The following AK7 variants were observed in gnomAD, a reference collection of about 807,000 sequenced individuals.
AK7 encodes ATP-AMP transphosphorylase 7.
Under a neutral mutation model 96.6 loss-of-function variants are expected in AK7, and 78 were observed. The ratio of observed to expected loss-of-function variants is 0.81; its 90% confidence interval spans 0.67 to 0.97. The LOEUF is 0.97. Ranked by LOEUF, AK7 falls within the 50% of genes least tolerant of loss-of-function variation. The pLI is 0.00. For missense variants in AK7, 855 were observed against 887.9 expected (o/e 0.96, Z 0.47); for synonymous variants, 302 against 317.2 (o/e 0.95, Z 0.51).
Position 96,472,727 on chromosome 14 carries a change from G to A in AK7, c.1527G>A (p.Met509Ile). Residue 509 changes from methionine (M) to isoleucine (I), a missense_variant, in exon 14 of 18, where the codon ATG becomes ATA. Physicochemically the swap from Met to Ile is conservative, Grantham distance 10. Transcript: ENST00000267584. ...AGGAAGATGATGTCAGAGGCAGAAT[G>A]TTTCCCTTTGATAAATTAATTATAC... ...EEEEDDVRGR[M>I]FPFDKLIIPE... is the part of the protein sequence containing the mutation. 6.2e-7 allele frequency: 1 copy of A among 1,612,742 alleles called. No individual in the cohort carries two copies. Among genetic ancestry groups the A allele is most frequent in the South Asian group, 1.1e-5 (1 of 91,052 alleles).
intron 12 of AK7, among the ~76,000 whole-genome samples, chr14:96,465,559 C>G (rs9672123): frequency 0.87 from 131,968 of 152,230 alleles, 57,556 homozygotes; most frequent in African/African-American, 0.97. Context: ...AACCGTGTTT[C>G]TTTTTGTTTG....
chr14:96,405,069 G>C, intron 3 of AK7: 1 of 303,978 alleles, frequency 3.3e-6, no homozygotes, highest in Non-Finnish European at 6.1e-6. Context: ...AATGAAGGCC[G>C]GCACACTGAC....
At chr14:96,476,287 C>A (rs1895173177) in intron 14 of AK7, among the ~76,000 whole-genome samples, 1 of 152,092 alleles carries the variant, frequency 6.6e-6, no homozygotes, top group Non-Finnish European at 1.5e-5. Flanking sequence ...GGGCAGATCA[C>A]CTGAGGTCAG....
chr14:96,446,386 TGAAAATGGA>T lies in AK7; in HGVS notation c.780-128_780-120del, dbSNP rs1430837336. ...ATAACCATCCCAACCCTGACCGTAT[TGAAAATGGA>T]GATAACTTATCAAAGCACCAAACCC... On this transcript the variant is annotated intron_variant, in intron 7 of 17. Transcript: ENST00000267584. The T allele has an allele frequency of 3.0e-5, 21 of 711,182 alleles. 1 individual carries two copies. In the South Asian group the frequency reaches 3.5e-4, roughly 12 times the overall value. 44.1% of individuals were successfully genotyped at this position (711,182 alleles called of 1,614,324 possible). A position where few individuals can be genotyped will look rare whatever the true frequency, so the allele number is the denominator to read the frequency against.
At chr14:96,400,545 T>C (rs1443588934) in intron 2 of AK7, among the ~76,000 whole-genome samples, 1 of 152,232 alleles carries the variant, frequency 6.6e-6, no homozygotes, top group Non-Finnish European at 1.5e-5. Context: ...CTCCAGCTCC[T>C]CTTCCTGCCC....
rs1229749830 is a variant in AK7 at position 96,398,219 on chromosome 14, A to C, written c.250A>C (p.Lys84Gln). 2 of 1,613,856 alleles carry C rather than the reference A, an allele frequency of 1.2e-6. No homozygotes were observed. Among genetic ancestry groups the C allele is most frequent in the Non-Finnish European group, 1.7e-6 (2 of 1,180,030 alleles). Residue 84 changes from lysine (K) to glutamine (Q), a missense_variant, in exon 2 of 18, where the codon AAG becomes CAG. By Grantham distance (53) the Lys-to-Gln change is moderately conservative (BLOSUM62 1). Coordinates refer to ENST00000267584, the MANE Select transcript of AK7 (RefSeq NM_152327.5). ...GTFQIVGTLS[K>Q]PDSPRPDFAV... is the part of the protein sequence containing the mutation. ...ATTCCAGATTGTGGGCACGCTGTCCAAGCCTGACAGCCCGCGGCCTGACTT... is the reference window on the plus strand; with the variant it reads ...ATTCCAGATTGTGGGCACGCTGTCCCAGCCTGACAGCCCGCGGCCTGACTT...
intron 1 of AK7, 24 bp downstream of exon 1, chr14:96,392,283 G>A (rs1376884893): frequency 1.3e-6 from 2 of 1,586,378 alleles, no homozygotes; most frequent in African/African-American, 2.7e-5. Context: ...GCGGCCCAGA[G>A]CCTCACGCCA....
chr14:96,438,894 G>C (rs561449023), intron 6 of AK7, among the ~76,000 whole-genome samples: 3 of 152,274 alleles, frequency 2.0e-5, no homozygotes, highest in Non-Finnish European at 4.4e-5. Flanking sequence ...TTTGAAGAGA[G>C]AGTCAATGGG....
intron 3 of AK7, among the ~76,000 whole-genome samples, chr14:96,408,094 C>T (rs79866275): frequency 0.016 from 2,457 of 152,314 alleles, 68 homozygotes; most frequent in African/African-American, 0.056. Flanking sequence ...CTTATCAGTG[C>T]TCTCCACTAC....
chr14:96,434,438 C>G (rs112327407), intron 5 of AK7, among the ~76,000 whole-genome samples: 12 of 150,620 alleles, frequency 8.0e-5, no homozygotes, highest in African/African-American at 2.7e-4. Context: ...CTCTCTCTCT[C>G]TCTCTCTCTC....
chr14:96,472,153 G>A (rs528026109), intron 13 of AK7, among the ~76,000 whole-genome samples: 1 of 152,010 alleles, frequency 6.6e-6, no homozygotes, highest in South Asian at 2.1e-4. Context: ...CCTTGTTGTT[G>A]CATATAGCAG....
intron 12 of AK7, among the ~76,000 whole-genome samples, chr14:96,466,172 C>T (rs1341187177): frequency 6.6e-6 from 1 of 151,026 alleles, no homozygotes; most frequent in Non-Finnish European, 1.5e-5. Context: ...CTCAAACAAT[C>T]CTCCCACCTC....
At chr14:96,460,102 T>TAGCC (rs1368390631) in intron 12 of AK7, among the ~76,000 whole-genome samples, 2 of 152,206 alleles carry the variant, frequency 1.3e-5, no homozygotes, top group Non-Finnish European at 2.9e-5. Flanking sequence ...AGATAGTGAG[T>TAGCC]AGCCCCTTTG....
chr14:96,404,764 C>A lies in AK7; in HGVS notation c.302C>A (p.Ser101Tyr). The A allele has an allele frequency of 1.2e-6, 2 of 1,600,378 alleles. No individual in the cohort carries two copies. The highest frequency in any genetic ancestry group is 8.6e-7 in the Non-Finnish European group (1 of 1,168,722). Reference protein sequence around the residue: ...DFAVETYSAISREDLLMRLLE... With the variant: ...DFAVETYSAIYREDLLMRLLE... Reference sequence around the variant, plus strand: ...GTCAATTTTCTTTTTCAGGCCATCTCTCGAGAAGACCTTCTCATGCGCCTG... The same window carrying A: ...GTCAATTTTCTTTTTCAGGCCATCTATCGAGAAGACCTTCTCATGCGCCTG... The change falls in exon 3 of 18, where the codon TCT (serine) becomes TAT (tyrosine). Residue 101 changes from serine to tyrosine, a missense_variant. Ser to Tyr is a moderately radical substitution (Grantham distance 144, BLOSUM62 -2). Transcript: ENST00000267584.
intron 5 of AK7, among the ~76,000 whole-genome samples, chr14:96,435,264 A>G (rs1892575020): frequency 6.6e-6 from 1 of 152,188 alleles, no homozygotes; most frequent in Non-Finnish European, 1.5e-5. Context: ...GTACCTGGGT[A>G]TCACTGCTGG....
intron 12 of AK7, among the ~76,000 whole-genome samples, chr14:96,458,549 C>T (rs1894066954): frequency 6.6e-6 from 1 of 151,744 alleles, no homozygotes. Flanking sequence ...TGAGACCAGC[C>T]TAGGCAACAT....
intron 12 of AK7, among the ~76,000 whole-genome samples, chr14:96,467,255 A>G (rs1894620646): frequency 6.6e-6 from 1 of 152,134 alleles, no homozygotes; most frequent in African/African-American, 2.4e-5. Context: ...AAGATTTTGC[A>G]ATATTAATGT....
intron 12 of AK7, among the ~76,000 whole-genome samples, chr14:96,468,390 G>A (rs1894702358): frequency 6.8e-6 from 1 of 147,070 alleles, no homozygotes; most frequent in Non-Finnish European, 1.5e-5. Flanking sequence ...CCGCCACCCA[G>A]GTTCATGCCA....
At chr14:96,405,084 G>A (rs1890632293) in intron 3 of AK7, 1 of 273,544 alleles carries the variant, frequency 3.7e-6, no homozygotes, top group South Asian at 1.1e-4. Context: ...ACTGACTCAT[G>A]CCTGTAATCC....
Sources: gnomAD v4.1 joint callset for allele counts (sites outside exome capture counted in the v4.1 genomes callset) on GRCh38, gnomAD v4.1.1 for gene constraint, MANE v1.5 for transcripts, NCBI Gene and HGNC (gene_info 2026-07-23, HGNC 2026-07-21) for gene names.